PAM: variants seen among roughly 807,000 people sequenced by gnomAD.
PAM encodes peptidylglycine alpha-amidating monooxygenase.
Under a neutral mutation model 122.1 loss-of-function variants are expected in PAM, and 72 were observed. The observed-to-expected ratio is 0.59, with a 90% CI of 0.49 to 0.72. The LOEUF (loss-of-function observed/expected upper bound fraction) is 0.72. Among genes scored for constraint, PAM ranks in the 30% least tolerant of loss-of-function variants. The pLI, the probability that PAM is intolerant of heterozygous loss-of-function variation, is 0.00. For missense variants in PAM, 1,106 were observed against 1,183.7 expected (o/e 0.93, Z 0.96); for synonymous variants, 389 against 404.4 (o/e 0.96, Z 0.46).
intron 21 of PAM, among the ~76,000 whole-genome samples, chr5:103,011,355 TACACACACACACAAACACACACTC>T (rs1780554600): frequency 2.0e-5 from 3 of 147,472 alleles, no homozygotes; most frequent in South Asian, 4.3e-4. Context: ...CACACACACA[TACACACACACACAAACACACACTC>T]ACACACACAC....
chr5:102,803,860 G>C (rs1445417412), intron 1 of PAM, among the ~76,000 whole-genome samples: 2 of 152,162 alleles, frequency 1.3e-5, no homozygotes, highest in African/African-American at 2.4e-5. Context: ...AGATTAAAGA[G>C]AGTAGGAAAA....
intron 3 of PAM, among the ~76,000 whole-genome samples, chr5:102,886,030 C>T (rs1792980667): frequency 6.6e-6 from 1 of 152,022 alleles, no homozygotes. Context: ...CTTTCTTGAA[C>T]ATGCATTCCC....
chr5:102,981,096 T>C (rs902679772), intron 15 of PAM, among the ~76,000 whole-genome samples: 2 of 152,172 alleles, frequency 1.3e-5, no homozygotes, highest in Non-Finnish European at 2.9e-5. Flanking sequence ...TTGGTGAAGA[T>C]AGGCTCAAAA....
At chr5:102,832,272 C>T (rs894374562) in intron 1 of PAM, among the ~76,000 whole-genome samples, 2 of 152,052 alleles carry the variant, frequency 1.3e-5, no homozygotes, top group African/African-American at 2.4e-5. Context: ...TGACATTGAT[C>T]GTACCCATAG....
chr5:102,766,926 ATTTTTTTTTTTT>A, intron 1 of PAM, among the ~76,000 whole-genome samples: 7 of 25,852 alleles, frequency 2.7e-4, no homozygotes, highest in African/African-American at 5.4e-4. Context: ...TCAGTTGTGG[ATTTTTTTTTTTT>A]TTTTTTTTTT....
At chr5:102,831,445 T>TAA (rs1425790832) in intron 1 of PAM, among the ~76,000 whole-genome samples, 17 of 152,144 alleles carry the variant, frequency 1.1e-4, no homozygotes, top group South Asian at 4.2e-4. Context: ...TCCTTTTTTT[T>TAA]TTTACAAAGT....
At chr5:102,885,549 T>C (rs1322408725) in intron 3 of PAM, among the ~76,000 whole-genome samples, 3 of 151,944 alleles carry the variant, frequency 2.0e-5, no homozygotes, top group Non-Finnish European at 4.4e-5. Context: ...GAGGTGACCT[T>C]AGTGGGGTCA....
intron 15 of PAM, among the ~76,000 whole-genome samples, chr5:102,976,939 C>T (rs1396029656): frequency 6.6e-6 from 1 of 152,150 alleles, no homozygotes; most frequent in Non-Finnish European, 1.5e-5. Context: ...TTCCCAAGAA[C>T]ACTGGACCCT....
intron 1 of PAM, among the ~76,000 whole-genome samples, chr5:102,852,578 G>GT (rs901656318): frequency 6.6e-6 from 1 of 151,956 alleles, no homozygotes; most frequent in Non-Finnish European, 1.5e-5. Context: ...GATCAAAGAA[G>GT]TTTTTTTAAT....
In PAM at chr5:102,819,963, G is replaced by A. The variant is rs562221622; in HGVS notation, c.-373-45860G>A. ...GTCGCAGTAGAATTTCCCCATCATC[G>A]CATGATACTTTAAGTAGAGTATGTT... On this transcript the variant is annotated intron_variant, in intron 1 of 25. Transcript: ENST00000438793. 5.3e-5 allele frequency among the ~76,000 whole-genome samples: 8 copies of A among 152,174 alleles called. No individual in the cohort carries two copies. In the South Asian group the frequency reaches 8.3e-4, roughly 16 times the overall value.
intron 7 of PAM, among the ~76,000 whole-genome samples, chr5:102,939,816 C>A (rs1163534394): frequency 6.6e-6 from 1 of 151,634 alleles, no homozygotes; most frequent in African/African-American, 2.4e-5. Context: ...CACCAAGGAA[C>A]CAAAACACAA....
At chr5:102,979,060 ACG>A (rs1491557120) in intron 15 of PAM, among the ~76,000 whole-genome samples, 8 of 148,598 alleles carry the variant, frequency 5.4e-5, no homozygotes, top group African/African-American at 2.0e-4. Context: ...ACACACACAC[ACG>A]CACACACACA....
chr5:103,002,126 T>C (rs368147249), intron 16 of PAM, among the ~76,000 whole-genome samples: 5 of 152,206 alleles, frequency 3.3e-5, no homozygotes, highest in Non-Finnish European at 7.4e-5. Flanking sequence ...TTTACTTCTA[T>C]ATTACAGAAG....
intron 1 of PAM, chr5:102,807,911 TTAG>T (rs1039120312): frequency 1.3e-5 from 2 of 152,290 alleles, no homozygotes; most frequent in African/African-American, 4.8e-5. Context: ...CACATCGCAA[TTAG>T]TAGATTCAGA....
At chr5:102,885,094 T>TATATATATATAA (rs60241746) in intron 3 of PAM, among the ~76,000 whole-genome samples, 1,850 of 147,826 alleles carry the variant, frequency 0.013, 86 homozygotes, top group African/African-American at 0.045. Flanking sequence ...TATATATATA[T>TATATATATATAA]AACTATAAAA....
chr5:103,002,349 C>T (rs1777657674), intron 16 of PAM, among the ~76,000 whole-genome samples: 1 of 151,972 alleles, frequency 6.6e-6, no homozygotes, highest in South Asian at 2.1e-4. Context: ...AGTTTAAAAG[C>T]AGAAATTGTC....
chr5:103,021,412 T>C (rs893203136), intron 23 of PAM, among the ~76,000 whole-genome samples: 1 of 152,214 alleles, frequency 6.6e-6, no homozygotes, highest in Non-Finnish European at 1.5e-5. Context: ...CAAAAAATTC[T>C]AGGTGGTACT....
intron 1 of PAM, among the ~76,000 whole-genome samples, chr5:102,856,416 G>T (rs796452864): frequency 6.6e-6 from 1 of 152,128 alleles, no homozygotes; most frequent in South Asian, 2.1e-4. Flanking sequence ...AATGCTTTCC[G>T]CTGCAGTTCA....
At chr5:102,840,260 G>A (rs551629447) in intron 1 of PAM, among the ~76,000 whole-genome samples, 3 of 152,148 alleles carry the variant, frequency 2.0e-5, no homozygotes, top group South Asian at 2.1e-4. Flanking sequence ...GTTTATGATC[G>A]TATAATCTTT....
Sources: allele counts gnomAD v4.1 joint callset (sites outside exome capture counted in the v4.1 genomes callset), GRCh38; gene constraint gnomAD v4.1.1; transcripts MANE v1.5; gene names NCBI Gene and HGNC (gene_info 2026-07-23, HGNC 2026-07-21).